DENND4C: variants seen among roughly 807,000 people sequenced by gnomAD.
The protein encoded by DENND4C is DENN domain containing 4C.
A neutral mutation model predicts 203.0 loss-of-function variants in DENND4C; 108 were observed. The ratio of observed to expected loss-of-function variants is 0.53; its 90% CI spans 0.46 to 0.62. The LOEUF (loss-of-function observed/expected upper bound fraction) is 0.62. Ranked by LOEUF, DENND4C falls within the 20% of genes least tolerant of loss-of-function variation. DENND4C has a pLI of 0.00. For missense variants in DENND4C, 2,481 were observed against 2,301.2 expected, an observed-to-expected ratio of 1.08 and a Z score of -1.60; for synonymous variants, 871 against 792.4, an observed-to-expected ratio of 1.10 and a Z score of -1.67.
chr9:19,252,369 A>G (rs972944609), intron 1 of DENND4C, among the ~76,000 whole-genome samples: 2 of 152,114 alleles, frequency 1.3e-5, no homozygotes, highest in Non-Finnish European at 2.9e-5. Context: ...GGGAGTTACA[A>G]TTCAAGATAA....
At chr9:19,350,186 T>G (rs1823765681) in intron 23 of DENND4C, among the ~76,000 whole-genome samples, 2 of 152,216 alleles carry the variant, frequency 1.3e-5, no homozygotes, top group African/African-American at 4.8e-5. Context: ...TATTTGTTAT[T>G]CTGAACATTC....
At chr9:19,360,602 C>G (rs917598849) in intron 29 of DENND4C, 113 bp downstream of exon 29, 1 of 1,397,062 alleles carries the variant, frequency 7.2e-7, no homozygotes, top group African/African-American at 1.5e-5. Context: ...ATTTCTCTCT[C>G]ACTTAAAAGT....
intron 1 of DENND4C, among the ~76,000 whole-genome samples, chr9:19,266,458 T>G (rs1830521180): frequency 6.6e-6 from 1 of 152,198 alleles, no homozygotes; most frequent in Non-Finnish European, 1.5e-5. Flanking sequence ...AGCTCTTTAG[T>G]TGAATTAGAT....
At position 19,345,907 on chromosome 9, in the gene DENND4C, A is replaced by G. The variant is rs748974291; in HGVS notation, c.3152-14A>G. On this transcript the variant is annotated splice_polypyrimidine_tract_variant and intron_variant, in intron 22 of 32. Transcript: ENST00000434457. ...AAAATAGGTTCATTGTTAATATTTT[A>G]CTTTCCCTTTTAGGTAGTATATCAA... 1.9e-6 allele frequency: 3 copies of G among 1,566,086 alleles called. No individual in the cohort carries two copies. Among genetic ancestry groups the G allele is most frequent in the African/African-American group, 2.7e-5 (2 of 72,758 alleles).
intron 2 of DENND4C, among the ~76,000 whole-genome samples, chr9:19,284,546 A>G (rs1184677421): frequency 6.6e-6 from 1 of 152,100 alleles, no homozygotes; most frequent in Non-Finnish European, 1.5e-5. Context: ...TTTTCTCTAT[A>G]GTGTTTGTGC....
intron 29 of DENND4C, among the ~76,000 whole-genome samples, chr9:19,361,451 C>T (rs1826481769): frequency 6.6e-6 from 1 of 152,062 alleles, no homozygotes; most frequent in African/African-American, 2.4e-5. Flanking sequence ...GACACTCAGG[C>T]CCTAAACATA....
At chr9:19,298,181 A>G (rs1455257146) in intron 7 of DENND4C, 59 bp downstream of exon 7, 2 of 1,476,246 alleles carry the variant, frequency 1.4e-6, no homozygotes, top group African/African-American at 2.8e-5. Flanking sequence ...GAGTCATTGC[A>G]GAGTGGATTC....
At position 19,326,112 on chromosome 9, in the gene DENND4C, T is replaced by G; in HGVS notation, c.2038T>G (p.Ser680Ala). The change falls in exon 15 of 33, where the codon TCA becomes GCA. Residue 680 changes from serine to alanine, a missense_variant. Coordinates refer to ENST00000434457, the MANE Select transcript of DENND4C (RefSeq NM_001330640.2). ...EDTRLIELDD[S>A]QKSEHTVFIM... ...TACCAGATTGATAGAACTAGATGAT[T>G]CACAGAAAAGTGAGCATACTGTATT... 1 of 1,613,100 alleles carries G rather than the reference T, an allele frequency of 6.2e-7. No homozygotes were observed. The highest frequency in any genetic ancestry group is 8.5e-7 in the Non-Finnish European group (1 of 1,179,624).
At chr9:19,295,316 T>C (rs567401268) in intron 5 of DENND4C, among the ~76,000 whole-genome samples, 80 of 152,202 alleles carry the variant, frequency 5.3e-4, no homozygotes, top group African/African-American at 1.9e-3. Flanking sequence ...CCATCCTGGC[T>C]AACACGGTGA....
At chr9:19,337,764 A>T (rs1820804226) in intron 20 of DENND4C, 1 of 692,918 alleles carries the variant, frequency 1.4e-6, no homozygotes, top group Non-Finnish European at 2.1e-6. Context: ...TGAGTGGTAA[A>T]CAGTTTTCAT....
intron 2 of DENND4C, among the ~76,000 whole-genome samples, chr9:19,285,614 G>A (rs1201791000): frequency 7.0e-6 from 1 of 142,640 alleles, no homozygotes; most frequent in African/African-American, 2.6e-5. Context: ...TTAGCTGCTT[G>A]TGCTTTTGGT....
intron 2 of DENND4C, among the ~76,000 whole-genome samples, chr9:19,281,758 A>AT (rs1480853750): frequency 6.6e-6 from 1 of 152,216 alleles, no homozygotes; most frequent in Admixed American, 6.5e-5. Flanking sequence ...TACATACACA[A>AT]ACCTAGGTGG....
chr9:19,342,682 A>T lies in DENND4C; in HGVS notation c.3054A>T (p.Pro1018=). 1 of 1,613,260 alleles carries T rather than the reference A, an allele frequency of 6.2e-7. No homozygotes were observed. Residue 1018 remains proline, a synonymous_variant, in exon 22 of 33, where the codon CCA becomes CCT. Coordinates refer to ENST00000434457, the MANE Select transcript of DENND4C (RefSeq NM_001330640.2). ...TGGCAAAACATTCACAACCTAGTCCAGAGCCTCACAGTCCTACTGAACCTC... is the reference window on the plus strand; with the variant it reads ...TGGCAAAACATTCACAACCTAGTCCTGAGCCTCACAGTCCTACTGAACCTC... The part of the protein sequence containing the change: ...AIVAKHSQPS[P]EPHSPTEPPA...
chr9:19,306,554 G>T (rs1839694010), intron 10 of DENND4C, among the ~76,000 whole-genome samples: 1 of 151,968 alleles, frequency 6.6e-6, no homozygotes. Context: ...TTTCAGGAAT[G>T]TATTCATTGT....
chr9:19,258,793 T>A (rs1828633218), intron 1 of DENND4C, among the ~76,000 whole-genome samples: 1 of 152,100 alleles, frequency 6.6e-6, no homozygotes, highest in African/African-American at 2.4e-5. Flanking sequence ...TAGCTGGGAC[T>A]ACAGGTGCAC....
At chr9:19,248,097 G>C (rs1022321026) in intron 1 of DENND4C, among the ~76,000 whole-genome samples, 16 of 151,914 alleles carry the variant, frequency 1.1e-4, no homozygotes, top group Non-Finnish European at 4.4e-5. Flanking sequence ...AACATAAATG[G>C]TAACATGTCA....
intron 1 of DENND4C, among the ~76,000 whole-genome samples, chr9:19,269,417 C>A (rs1588794830): frequency 6.6e-6 from 1 of 152,184 alleles, no homozygotes; most frequent in East Asian, 1.9e-4. Flanking sequence ...TCTCGGCCTC[C>A]CAAAATGCTG....
chr9:19,306,897 C>T (rs1394881669), intron 10 of DENND4C, among the ~76,000 whole-genome samples: 1 of 151,978 alleles, frequency 6.6e-6, no homozygotes, highest in Admixed American at 6.6e-5. Context: ...TCTCCTGCCT[C>T]AGCCTTCCGA....
chr9:19,234,950 CTTTTTTT>C (rs71333102), intron 1 of DENND4C, among the ~76,000 whole-genome samples: 3 of 142,364 alleles, frequency 2.1e-5, no homozygotes, highest in African/African-American at 7.7e-5. Flanking sequence ...AGTCAACTTT[CTTTTTTT>C]TTTTTTTCTT....
Sources: gnomAD v4.1 joint callset for allele counts (sites outside exome capture counted in the v4.1 genomes callset) on GRCh38, gnomAD v4.1.1 for gene constraint, MANE v1.5 for transcripts, NCBI Gene and HGNC (gene_info 2026-07-23, HGNC 2026-07-21) for gene names.